Variants in SORCS3 observed in about 807,000 individuals in gnomAD.
SORCS3 encodes the protein VPS10 domain-containing receptor SorCS3.
In SORCS3, 57 loss-of-function variants were observed where a neutral mutation model predicts 146.3. The ratio of observed to expected loss-of-function variants is 0.39; its 90% CI spans 0.31 to 0.49. The LOEUF (loss-of-function observed/expected upper bound fraction) is 0.49. SORCS3 is among the 20% of genes least tolerant of loss of function. The probability of loss-of-function intolerance (pLI) is 0.92; values close to 1 mark genes in which losing one functional copy is unlikely to be tolerated. For synonymous variants in SORCS3, 653 were observed against 618.5 expected, an observed-to-expected ratio of 1.06 and a Z score of -0.83; for missense variants, 1,341 against 1,575.5, an observed-to-expected ratio of 0.85 and a Z score of 2.52.
At chr10:104,642,377 C>A (rs1398861768) in intron 1 of SORCS3, among the ~76,000 whole-genome samples, 1 of 139,404 alleles carries the variant, frequency 7.2e-6, no homozygotes, top group Non-Finnish European at 1.6e-5. Context: ...CTCCCCCTAC[C>A]CCCACCCCAC....
chr10:104,830,722 G>T (rs1457968325), intron 1 of SORCS3, among the ~76,000 whole-genome samples: 3 of 152,176 alleles, frequency 2.0e-5, no homozygotes, highest in Non-Finnish European at 4.4e-5. Context: ...AGAGTAAACA[G>T]CACAGCCTAC....
At chr10:104,691,359 A>C (rs1307911847) in intron 1 of SORCS3, among the ~76,000 whole-genome samples, 1 of 152,244 alleles carries the variant, frequency 6.6e-6, no homozygotes, top group East Asian at 1.9e-4. Context: ...AGAAAACTAA[A>C]AAACAAAATT....
intron 4 of SORCS3, among the ~76,000 whole-genome samples, chr10:104,996,221 C>CT (rs2055025960): frequency 6.6e-6 from 1 of 152,124 alleles, no homozygotes; most frequent in African/African-American, 2.4e-5. Flanking sequence ...TTTCTACCCC[C>CT]TACCTCCAAA....
intron 14 of SORCS3, among the ~76,000 whole-genome samples, chr10:105,186,225 T>TCTTG (rs1294796566): frequency 1.3e-5 from 2 of 152,192 alleles, no homozygotes; most frequent in African/African-American, 4.8e-5. Context: ...CAATAATAAT[T>TCTTG]CTTGTACTAT....
rs114911294 is a variant in SORCS3 at position 104,863,295 on chromosome 10, A to G, written c.695+20436A>G. 4.5e-3 allele frequency among the ~76,000 whole-genome samples: 684 copies of G among 152,324 alleles called. 4 individuals carry two copies. Among genetic ancestry groups the G allele is most frequent in the African/African-American group, 0.015 (639 of 41,570 alleles). On this transcript the variant is annotated intron_variant, in intron 2 of 26. Coordinates refer to ENST00000369701, the MANE Select transcript of SORCS3 (RefSeq NM_014978.3). ...TATCCCTAGCAGAACACATGCCTCT[A>G]TGGAGCTGTTCTAGCCAGGCTACTG...
intron 2 of SORCS3, among the ~76,000 whole-genome samples, chr10:104,853,028 GGTGGCTCATGCCT>G (rs1246793946): frequency 6.6e-6 from 1 of 152,174 alleles, no homozygotes; most frequent in African/African-American, 2.4e-5. Flanking sequence ...GGCCGGGCGC[GGTGGCTCATGCCT>G]GTAATCCCAG....
At chr10:105,072,635 C>T (rs1054340643) in intron 5 of SORCS3, among the ~76,000 whole-genome samples, 2 of 143,222 alleles carry the variant, frequency 1.4e-5, no homozygotes, top group African/African-American at 2.6e-5. Context: ...TAGGAGGAAA[C>T]CTTTTCTTTC....
chr10:104,654,979 G>A (rs1160091750), intron 1 of SORCS3, among the ~76,000 whole-genome samples: 1 of 152,202 alleles, frequency 6.6e-6, no homozygotes, highest in Non-Finnish European at 1.5e-5. Flanking sequence ...TAGGCAGGTT[G>A]CATTGGCTCA....
chr10:105,127,104 C>A (rs1347962692), intron 7 of SORCS3, among the ~76,000 whole-genome samples: 1 of 152,058 alleles, frequency 6.6e-6, no homozygotes, highest in East Asian at 1.9e-4. Flanking sequence ...GATTTTTAAA[C>A]ATGATTAACG....
chr10:104,912,362 G>A (rs11192226), intron 2 of SORCS3, among the ~76,000 whole-genome samples: 39,847 of 152,102 alleles, frequency 0.26, 6,521 homozygotes, highest in African/African-American at 0.47. Context: ...AAATGCAAAT[G>A]ACAGCCTCTA....
At chr10:104,705,328 GA>G (rs1376417126) in intron 1 of SORCS3, among the ~76,000 whole-genome samples, 1 of 145,636 alleles carries the variant, frequency 6.9e-6, no homozygotes, top group Non-Finnish European at 1.5e-5. Flanking sequence ...TCCAGTGCCC[GA>G]TTTTTTTTTT....
chr10:105,246,955 T>G (rs2056870093), intron 21 of SORCS3, among the ~76,000 whole-genome samples: 1 of 152,224 alleles, frequency 6.6e-6, no homozygotes, highest in African/African-American at 2.4e-5. Context: ...ATAATTGTCT[T>G]TCATTTCAGA....
At chr10:104,729,877 C>T (rs1047187878) in intron 1 of SORCS3, among the ~76,000 whole-genome samples, 1 of 152,198 alleles carries the variant, frequency 6.6e-6, no homozygotes, top group Admixed American at 6.5e-5. Flanking sequence ...CCAAATCTGC[C>T]AACAGACTAT....
At chr10:104,988,857 G>A (rs1376960372) in intron 4 of SORCS3, among the ~76,000 whole-genome samples, 1 of 152,212 alleles carries the variant, frequency 6.6e-6, no homozygotes, top group East Asian at 1.9e-4. Context: ...AGACCCCCGT[G>A]TTAATTCCAT....
intron 12 of SORCS3, 110 bp downstream of exon 12, chr10:105,164,489 C>A: frequency 1.2e-6 from 1 of 840,430 alleles, no homozygotes; most frequent in South Asian, 1.5e-5. Context: ...AATTTCAAAA[C>A]ATTTGAAGCA....
intron 2 of SORCS3, among the ~76,000 whole-genome samples, chr10:104,866,794 G>T (rs1183558484): frequency 6.6e-6 from 1 of 152,120 alleles, no homozygotes; most frequent in Admixed American, 6.5e-5. Context: ...TACTAACTCA[G>T]GTACTTTTAT....
At chr10:104,978,287 G>A (rs2054912889) in intron 4 of SORCS3, among the ~76,000 whole-genome samples, 1 of 152,094 alleles carries the variant, frequency 6.6e-6, no homozygotes, top group South Asian at 2.1e-4. Flanking sequence ...ATTGCTCTTA[G>A]TTGAGTTATA....
At chr10:104,957,864 AC>A (rs1235107393) in intron 3 of SORCS3, among the ~76,000 whole-genome samples, 1 of 152,058 alleles carries the variant, frequency 6.6e-6, no homozygotes, top group African/African-American at 2.4e-5. Context: ...CTTCTGCGTC[AC>A]GTTGAGAAGG....
chr10:105,059,767 C>G (rs1033964852), intron 5 of SORCS3, among the ~76,000 whole-genome samples: 1 of 152,170 alleles, frequency 6.6e-6, no homozygotes, highest in Non-Finnish European at 1.5e-5. Flanking sequence ...TGTCATTGCA[C>G]TGTAGCTGTG....
Sources: allele counts gnomAD v4.1 joint callset (sites outside exome capture counted in the v4.1 genomes callset), GRCh38; gene constraint gnomAD v4.1.1; transcripts MANE v1.5; gene names NCBI Gene and HGNC (gene_info 2026-07-23, HGNC 2026-07-21).